The following IL2RA variants were observed in gnomAD, a reference collection of about 807,000 sequenced individuals.
IL2RA encodes interleukin 2 receptor subunit alpha.
IL2RA carries 24 observed loss-of-function variants against 37.8 expected under a neutral mutation model. The ratio of observed to expected loss-of-function variants is 0.63; its 90% CI spans 0.46 to 0.89. The LOEUF is 0.89. IL2RA is among the 40% of genes least tolerant of loss of function. The pLI, the probability that IL2RA is intolerant of heterozygous loss-of-function variation, is 0.00. For missense variants in IL2RA, 319 were observed against 348.6 expected (o/e 0.92, Z 0.68); for synonymous variants, 125 against 114.6 (o/e 1.09, Z -0.58).
At chr10:6,030,463 T>C (rs550251258) in intron 1 of IL2RA, among the ~76,000 whole-genome samples, 1 of 152,086 alleles carries the variant, frequency 6.6e-6, no homozygotes, top group South Asian at 2.1e-4. Flanking sequence ...ACAGAAACAA[T>C]AGAAGCAGAA....
At chr10:6,017,728 A>T (rs527376525) in intron 7 of IL2RA, among the ~76,000 whole-genome samples, 7 of 152,094 alleles carry the variant, frequency 4.6e-5, no homozygotes, top group Non-Finnish European at 8.8e-5. Flanking sequence ...GGCACCTGCC[A>T]CCATGCCCAA....
intron 1 of IL2RA, among the ~76,000 whole-genome samples, chr10:6,040,615 G>A (rs1211871294): frequency 2.0e-5 from 3 of 152,162 alleles, no homozygotes; most frequent in African/African-American, 7.2e-5. Flanking sequence ...TATTGTCTTA[G>A]TTGTTCACTT....
rs1839186198 is a variant in IL2RA at position 6,011,213 on chromosome 10, C to G, written c.*1659G>C. ...ATGTTGTTGAGCTAGAATGTTGACT[C>G]AACTGATTCGTGAGGGGAGATCTTG... is the stretch of plus-strand genomic sequence containing the variant. On this transcript the variant is annotated 3_prime_UTR_variant, in exon 8 of 8. Coordinates refer to ENST00000379959, the MANE Select transcript of IL2RA (RefSeq NM_000417.3). This position sits in a 1 kb window ranked among gnomAD's most constrained non-coding sequence, Gnocchi z 5.2. The G allele has an allele frequency of 6.6e-6, 1 of 152,290 alleles. No individual in the cohort carries two copies. The highest frequency in any genetic ancestry group is 1.5e-5 in the Non-Finnish European group (1 of 68,022). The allele number at this position is 152,290 out of a possible 1,614,324, so 9.4% of individuals were successfully genotyped here.
In IL2RA at chr10:6,020,014, C is replaced by T. The variant is rs950307390; in HGVS notation, c.584-73G>A. 6.7e-6 allele frequency: 9 copies of T among 1,334,442 alleles called. No individual in the cohort carries two copies. The highest frequency in any genetic ancestry group is 5.0e-5 in the Admixed American group (3 of 59,406). 82.7% of individuals were successfully genotyped at this position (1,334,442 alleles called of 1,614,324 possible). On this transcript the variant is annotated intron_variant, in intron 4 of 7. Coordinates refer to ENST00000379959, the MANE Select transcript of IL2RA (RefSeq NM_000417.3). This position sits in a 1 kb window ranked among gnomAD's most constrained non-coding sequence, Gnocchi z 5.6. Reference sequence around the variant, plus strand: ...GGGCCTCACTCCCACCCCGCCTGCCCCAGGCAGCCGGCCCCAGACACGCCC... The same window carrying T: ...GGGCCTCACTCCCACCCCGCCTGCCTCAGGCAGCCGGCCCCAGACACGCCC...
rs912962282 is a variant in IL2RA at position 6,054,198 on chromosome 10, C to T, written c.64+7890G>A. Among the ~76,000 whole-genome samples, 3 of 152,322 alleles carry T rather than the reference C, an allele frequency of 2.0e-5. No individual in the cohort carries two copies. The highest frequency in any genetic ancestry group is 7.2e-5 in the African/African-American group (3 of 41,556). On this transcript the variant is annotated intron_variant, in intron 1 of 7. Transcript: ENST00000379959. This position sits in a 1 kb window ranked among gnomAD's most constrained non-coding sequence, Gnocchi z 4.5. ...CAGGCGGAGCTGCTGGTCAAAAACC[C>T]CCCGGGGAACTGGTTGGGTGTGGGA...
In IL2RA at chr10:6,057,213, A is replaced by G. The variant is rs1357517400; in HGVS notation, c.64+4875T>C. Among the ~76,000 whole-genome samples the G allele has an allele frequency of 1.3e-5, 2 of 152,116 alleles. No homozygotes were observed. The highest frequency in any genetic ancestry group is 4.8e-5 in the African/African-American group (2 of 41,404). The stretch of plus-strand genomic sequence containing the variant: ...TGAAAAGGGGCATGAGAGATATTGG[A>G]TAGATTTTGAGAATTGAGTGAGTGG... On this transcript the variant is annotated intron_variant, in intron 1 of 7. Transcript: ENST00000379959. The surrounding 1 kb of genome is among the most constrained non-coding windows in gnomAD (Gnocchi z 4.8).
chr10:6,043,199 G>T (rs1391681829), intron 1 of IL2RA, among the ~76,000 whole-genome samples: 3 of 152,042 alleles, frequency 2.0e-5, no homozygotes, highest in Admixed American at 6.5e-5. Context: ...TTGTTAAAAA[G>T]AATAAACATC....
Position 6,018,151 on chromosome 10 carries a change from G to C in IL2RA, c.728-32C>G. On this transcript the variant is annotated intron_variant, in intron 6 of 7. Transcript: ENST00000379959. The surrounding 1 kb of genome is among the most constrained non-coding windows in gnomAD (Gnocchi z 5.1). ...ATAGAGAGAGGGAGTTCAGCAAAGG[G>C]CCCTGGGCTTGGCATGGGGGCAGCA... is the stretch of plus-strand genomic sequence containing the variant. 1 of 1,595,382 alleles carries C rather than the reference G, an allele frequency of 6.3e-7. No homozygotes were observed. Among genetic ancestry groups the C allele is most frequent in the South Asian group, 1.1e-5 (1 of 90,318 alleles).
At chr10:6,055,406 T>G (rs1840027876) in intron 1 of IL2RA, among the ~76,000 whole-genome samples, 1 of 150,366 alleles carries the variant, frequency 6.7e-6, no homozygotes, top group Non-Finnish European at 1.5e-5. Flanking sequence ...ATCTTATGAG[T>G]CTTGGCCATC....
chr10:6,045,341 G>A (rs1462018408), intron 1 of IL2RA, among the ~76,000 whole-genome samples: 2 of 152,106 alleles, frequency 1.3e-5, no homozygotes, highest in East Asian at 1.9e-4. Flanking sequence ...TGGGGTGGAG[G>A]GATCTAGTTA....
In IL2RA at chr10:6,029,257, C is replaced by T. The variant is rs1181600598; in HGVS notation, c.65-3232G>A. Among the ~76,000 whole-genome samples, 7 of 151,486 alleles carry T rather than the reference C, an allele frequency of 4.6e-5. No homozygotes were observed. In the South Asian group the frequency reaches 6.3e-4, roughly 14 times the overall value. ...TTGACTCACTGCAACCTCTGCCCCCCGGGTTCAAGCGATTCTCCTGCCTCA... is the reference window on the plus strand; with the variant it reads ...TTGACTCACTGCAACCTCTGCCCCCTGGGTTCAAGCGATTCTCCTGCCTCA... On this transcript the variant is annotated intron_variant, in intron 1 of 7. Transcript: ENST00000379959. This position sits in a 1 kb window ranked among gnomAD's most constrained non-coding sequence, Gnocchi z 4.6.
rs1415549227 is a variant in IL2RA, at chr10:6,031,462, A to G, written c.65-5437T>C. 2.6e-3 allele frequency among the ~76,000 whole-genome samples: 83 copies of G among 32,304 alleles called. 1 individual carries two copies. The highest frequency in any genetic ancestry group is 0.014 in the African/African-American group (73 of 5,130). The allele number at this position is 32,304 out of a possible 152,430, so 21.2% of individuals were successfully genotyped here. On this transcript the variant is annotated intron_variant, in intron 1 of 7. Transcript: ENST00000379959. The stretch of plus-strand genomic sequence containing the variant: ...TTTCAGTATATATATATACATATAT[A>G]TATATATATATATATATATATATAT...
rs1840054507 is a variant in IL2RA, at chr10:6,056,903, A to G, written c.64+5185T>C. ...TACACAAGCAAACAAACAGCAGAGG[A>G]CCCCGCCCTCCCTGTCCAGGGCAGG... On this transcript the variant is annotated intron_variant, in intron 1 of 7. Transcript: ENST00000379959. The surrounding 1 kb of genome is among the most constrained non-coding windows in gnomAD (Gnocchi z 5.0). Among the ~76,000 whole-genome samples, 1 of 151,958 alleles carries G rather than the reference A, an allele frequency of 6.6e-6. No individual in the cohort carries two copies.
chr10:6,051,494 A>AATAT (rs34016017), intron 1 of IL2RA, among the ~76,000 whole-genome samples: 3 of 81,966 alleles, frequency 3.7e-5, no homozygotes, highest in African/African-American at 1.4e-4. Flanking sequence ...AATACACACA[A>AATAT]ATATATATAT....
chr10:6,061,221 C>T (rs2132910498), intron 1 of IL2RA, among the ~76,000 whole-genome samples: 1 of 152,164 alleles, frequency 6.6e-6, no homozygotes, highest in Non-Finnish European at 1.5e-5. Flanking sequence ...AAAACCCCAT[C>T]TCTACAAAAA....
At chr10:6,032,411 G>T (rs1398390111) in intron 1 of IL2RA, among the ~76,000 whole-genome samples, 1 of 152,186 alleles carries the variant, frequency 6.6e-6, no homozygotes, top group Non-Finnish European at 1.5e-5. Context: ...TGAAAAAGTA[G>T]GCAGGGTGTG....
chr10:6,056,750 CA>C lies in IL2RA; in HGVS notation c.64+5337del, dbSNP rs58942361. 1.3e-3 allele frequency among the ~76,000 whole-genome samples: 184 copies of C among 136,556 alleles called. No individual in the cohort carries two copies. The highest frequency in any genetic ancestry group is 3.1e-3 in the East Asian group (15 of 4,790). The allele number at this position is 136,556 out of a possible 152,430, so 89.6% of individuals were successfully genotyped here. Reference sequence around the variant, plus strand: ...GCCTGGGCGACAGAGCGAAACTGTCCAAAAAAAAAAAAGATTCCCCTTTCTC... The same window carrying C: ...GCCTGGGCGACAGAGCGAAACTGTCCAAAAAAAAAAAGATTCCCCTTTCTC... On this transcript the variant is annotated intron_variant, in intron 1 of 7. Transcript: ENST00000379959. This position sits in a 1 kb window ranked among gnomAD's most constrained non-coding sequence, Gnocchi z 5.0.
At chr10:6,043,589 C>A (rs1156850074) in intron 1 of IL2RA, among the ~76,000 whole-genome samples, 1 of 152,118 alleles carries the variant, frequency 6.6e-6, no homozygotes, top group African/African-American at 2.4e-5. Flanking sequence ...CAAGCGCCTG[C>A]ATCACATCAG....
chr10:6,030,064 C>T (rs982461171), intron 1 of IL2RA, among the ~76,000 whole-genome samples: 11 of 151,994 alleles, frequency 7.2e-5, no homozygotes, highest in South Asian at 4.2e-4. Flanking sequence ...TGAGCCTAGC[C>T]GGGGCTTGAA....
Sources: gnomAD v4.1 joint callset for allele counts (sites outside exome capture counted in the v4.1 genomes callset) on GRCh38, gnomAD v4.1.1 for gene constraint, Gnocchi (gnomAD v3.1) non-coding constraint, MANE v1.5 for transcripts, NCBI Gene and HGNC (gene_info 2026-07-23, HGNC 2026-07-21) for gene names.